The following DPP10 variants were observed in gnomAD, a reference collection of about 807,000 sequenced individuals.
The protein encoded by DPP10 is dipeptidyl peptidase like 10.
A neutral mutation model predicts 120.9 loss-of-function variants in DPP10; 33 were observed. The ratio of observed to expected loss-of-function variants is 0.27; its 90% CI spans 0.21 to 0.37. The LOEUF (loss-of-function observed/expected upper bound fraction) is 0.37, where lower values mean the gene tolerates loss of function less well. DPP10 is among the 10% of genes least tolerant of loss of function. The probability of loss-of-function intolerance (pLI) is 1.00; values close to 1 mark genes in which losing one functional copy is unlikely to be tolerated. For missense variants in DPP10, 816 were observed against 942.8 expected, an observed-to-expected ratio of 0.87 and a Z score of 1.76; for synonymous variants, 337 against 326.1, an observed-to-expected ratio of 1.03 and a Z score of -0.36.
At chr2:115,694,014 G>A (rs2091455913) in intron 7 of DPP10, among the ~76,000 whole-genome samples, 1 of 152,070 alleles carries the variant, frequency 6.6e-6, no homozygotes, top group South Asian at 2.1e-4. Context: ...AGGGTGACTA[G>A]TTTTGTGGAG....
intron 1 of DPP10, among the ~76,000 whole-genome samples, chr2:114,962,413 GC>G (rs1698709166): frequency 6.6e-6 from 1 of 152,190 alleles, no homozygotes; most frequent in Admixed American, 6.5e-5. Flanking sequence ...TGGGCATCGG[GC>G]AAGGGAAAGG....
chr2:114,937,400 A>G (rs1696565728), intron 1 of DPP10, among the ~76,000 whole-genome samples: 1 of 152,102 alleles, frequency 6.6e-6, no homozygotes, highest in African/African-American at 2.4e-5. Context: ...GCCTGTAAGT[A>G]TTCGGCTTTA....
chr2:115,255,902 A>C (rs974136188), intron 1 of DPP10, among the ~76,000 whole-genome samples: 5 of 152,082 alleles, frequency 3.3e-5, no homozygotes, highest in Non-Finnish European at 5.9e-5. Context: ...GGAAGTTCCA[A>C]AGTTTCCCAC....
At chr2:115,311,360 G>A (rs2061568792) in intron 2 of DPP10, among the ~76,000 whole-genome samples, 2 of 152,106 alleles carry the variant, frequency 1.3e-5, no homozygotes, top group South Asian at 4.1e-4. Context: ...TTTGATGATT[G>A]CTATTATTCA....
intron 1 of DPP10, among the ~76,000 whole-genome samples, chr2:115,103,683 A>G (rs2048810954): frequency 1.3e-5 from 2 of 152,226 alleles, no homozygotes; most frequent in Admixed American, 1.3e-4. Context: ...TCTTAACTGC[A>G]AAAGAGAATT....
At chr2:114,941,344 A>T (rs1244664803) in intron 1 of DPP10, among the ~76,000 whole-genome samples, 1 of 152,126 alleles carries the variant, frequency 6.6e-6, no homozygotes. Context: ...CTTCTTCTCA[A>T]TTGGATACCA....
chr2:115,422,533 A>G (rs1049228303), intron 3 of DPP10, among the ~76,000 whole-genome samples: 1 of 152,236 alleles, frequency 6.6e-6, no homozygotes, highest in African/African-American at 2.4e-5. Context: ...GCAAATGATG[A>G]AAGTTCTACC....
At chr2:114,499,984 T>C (rs2104505964) in intron 1 of DPP10, among the ~76,000 whole-genome samples, 1 of 152,342 alleles carries the variant, frequency 6.6e-6, no homozygotes, top group African/African-American at 2.4e-5. Context: ...GATTCATCTG[T>C]TGTCACCTCC....
intron 1 of DPP10, among the ~76,000 whole-genome samples, chr2:115,180,309 C>T (rs1222655404): frequency 6.6e-6 from 1 of 152,132 alleles, no homozygotes; most frequent in African/African-American, 2.4e-5. Flanking sequence ...TGAAATGTTA[C>T]CAGGCAGATT....
chr2:115,569,381 G>A (rs2081205987), intron 5 of DPP10, among the ~76,000 whole-genome samples: 1 of 152,110 alleles, frequency 6.6e-6, no homozygotes, highest in Non-Finnish European at 1.5e-5. Context: ...ATAAAAAAGG[G>A]CAAAAGTAGG....
rs201015438 is a variant in DPP10 at position 114,516,934 on chromosome 2, G to GA, written c.60+74102dup. Among the ~76,000 whole-genome samples the GA allele has an allele frequency of 7.7e-3, 1,168 of 152,180 alleles. 14 individuals are homozygous for GA. The highest frequency in any genetic ancestry group is 0.025 in the African/African-American group (1,046 of 41,506). ...AAAAGCCACAGATACTGCTAATGGG[G>GA]AAAAAACAACTTTTCTTATGTTGAG... is the stretch of plus-strand genomic sequence containing the variant. On this transcript the variant is annotated intron_variant, in intron 1 of 25. Coordinates refer to ENST00000410059, the MANE Select transcript of DPP10 (RefSeq NM_020868.6).
At chr2:115,725,507 G>A (rs370129847) in intron 7 of DPP10, among the ~76,000 whole-genome samples, 45 of 152,316 alleles carry the variant, frequency 3.0e-4, no homozygotes, top group African/African-American at 1.1e-3. Context: ...CTACATTGAA[G>A]CAGATGTCAG....
chr2:114,601,513 T>C (rs1692365601), intron 1 of DPP10, among the ~76,000 whole-genome samples: 1 of 151,906 alleles, frequency 6.6e-6, no homozygotes, highest in African/African-American at 2.4e-5. Context: ...CTTATAAGTA[T>C]ATGGTGTTTC....
chr2:115,567,832 C>T (rs1463348926), intron 5 of DPP10, among the ~76,000 whole-genome samples: 1 of 152,160 alleles, frequency 6.6e-6, no homozygotes. Context: ...GCTAGTTTCC[C>T]TTGAACTTTG....
intron 1 of DPP10, among the ~76,000 whole-genome samples, chr2:115,026,945 A>G (rs1447611008): frequency 6.6e-6 from 1 of 152,172 alleles, no homozygotes; most frequent in African/African-American, 2.4e-5. Flanking sequence ...CAGTCTTCCA[A>G]TCCATGAGCT....
chr2:115,708,863 G>A (rs75405336), intron 7 of DPP10, among the ~76,000 whole-genome samples: 4,389 of 151,950 alleles, frequency 0.029, 147 homozygotes, highest in South Asian at 0.087. Flanking sequence ...ACTACACCTG[G>A]ATATGATGAA....
intron 1 of DPP10, among the ~76,000 whole-genome samples, chr2:114,719,936 T>A (rs1701598398): frequency 6.6e-6 from 1 of 152,210 alleles, no homozygotes; most frequent in African/African-American, 2.4e-5. Context: ...AGCAGACAAC[T>A]GTTTGTGACA....
intron 7 of DPP10, among the ~76,000 whole-genome samples, chr2:115,704,767 T>C (rs1233374663): frequency 6.6e-6 from 1 of 151,978 alleles, no homozygotes; most frequent in Admixed American, 6.6e-5. Flanking sequence ...ACTGCAATGA[T>C]AATCAACCAT....
At chr2:115,455,173 G>A (rs1459360393) in intron 3 of DPP10, among the ~76,000 whole-genome samples, 1 of 151,730 alleles carries the variant, frequency 6.6e-6, no homozygotes, top group Non-Finnish European at 1.5e-5. Flanking sequence ...TATATAAATG[G>A]AGAGACATTC....
Sources: allele counts gnomAD v4.1 joint callset (sites outside exome capture counted in the v4.1 genomes callset), GRCh38; gene constraint gnomAD v4.1.1; transcripts MANE v1.5; gene names NCBI Gene and HGNC (gene_info 2026-07-23, HGNC 2026-07-21).